The following NCAM2 variants were observed in gnomAD, a reference collection of about 807,000 sequenced individuals.
NCAM2 encodes the protein N-CAM-2.
In NCAM2, 30 loss-of-function variants were observed where a neutral mutation model predicts 98.1. That is an observed-to-expected ratio of 0.31 (90% confidence interval 0.23 to 0.41). The LOEUF (loss-of-function observed/expected upper bound fraction) is 0.41. Among genes scored for constraint, NCAM2 ranks in the 10% least tolerant of loss-of-function variants. NCAM2 has a pLI of 1.00. For synonymous variants in NCAM2, 368 were observed against 342.4 expected (o/e 1.07, Z -0.83); for missense variants, 867 against 1,005.8 (o/e 0.86, Z 1.87).
At chr21:21,073,915 T>C (rs779476135) in intron 1 of NCAM2, among the ~76,000 whole-genome samples, 10 of 152,202 alleles carry the variant, frequency 6.6e-5, no homozygotes, top group Admixed American at 5.2e-4. Context: ...GAGACTCTGA[T>C]TGAGGATTTA....
intron 1 of NCAM2, among the ~76,000 whole-genome samples, chr21:21,134,829 T>C (rs111572028): frequency 6.6e-6 from 1 of 151,394 alleles, no homozygotes; most frequent in African/African-American, 2.4e-5. Context: ...TCCTCCCACC[T>C]CAGCCTCCTC....
At chr21:21,280,538 C>A in intron 1 of NCAM2, 40 bp from the exon 2 acceptor site, 1 of 1,409,416 alleles carries the variant, frequency 7.1e-7, no homozygotes, top group Non-Finnish European at 9.9e-7. Flanking sequence ...AGAAATCACG[C>A]TTAAAAATCA....
At chr21:21,275,699 C>T (rs191080281) in intron 1 of NCAM2, among the ~76,000 whole-genome samples, 21 of 152,118 alleles carry the variant, frequency 1.4e-4, no homozygotes, top group Non-Finnish European at 2.8e-4. Flanking sequence ...ACAGATGTAA[C>T]GTACCTTGAA....
chr21:21,472,493 T>C (rs959125824), intron 14 of NCAM2, among the ~76,000 whole-genome samples: 1 of 152,076 alleles, frequency 6.6e-6, no homozygotes, highest in African/African-American at 2.4e-5. Flanking sequence ...TGAATACTTA[T>C]GGACATTAAA....
chr21:21,216,824 A>G (rs2069922383), intron 1 of NCAM2, among the ~76,000 whole-genome samples: 1 of 152,210 alleles, frequency 6.6e-6, no homozygotes. Context: ...CCTTAGGTAC[A>G]GGTGGGAAAA....
intron 1 of NCAM2, among the ~76,000 whole-genome samples, chr21:21,279,671 G>C (rs2072860146): frequency 6.6e-6 from 1 of 152,020 alleles, no homozygotes; most frequent in African/African-American, 2.4e-5. Context: ...ACAGCCTGTT[G>C]TTCTGGGAAA....
In NCAM2 at chr21:21,047,781, C is replaced by G. The variant is rs536613124; in HGVS notation, c.55+49163C>G. 2.0e-5 allele frequency among the ~76,000 whole-genome samples: 3 copies of G among 151,986 alleles called. 1 individual carries two copies. The South Asian group carries it at 6.2e-4, about 32-fold the overall frequency. On this transcript the variant is annotated intron_variant, in intron 1 of 17. Transcript: ENST00000400546. Reference sequence around the variant, plus strand: ...GTAAGAAGCTGTGTGGATTTTTGTTCTGTTTGCTTTTGAGAACTAAGCTCT... The same window carrying G: ...GTAAGAAGCTGTGTGGATTTTTGTTGTGTTTGCTTTTGAGAACTAAGCTCT...
At chr21:21,115,025 T>A (rs1245340266) in intron 1 of NCAM2, among the ~76,000 whole-genome samples, 1 of 152,084 alleles carries the variant, frequency 6.6e-6, no homozygotes, top group Non-Finnish European at 1.5e-5. Context: ...TTCACCATGT[T>A]GGCCAGGCTG....
intron 12 of NCAM2, among the ~76,000 whole-genome samples, chr21:21,455,952 A>G (rs953922217): frequency 2.6e-5 from 4 of 152,018 alleles, no homozygotes; most frequent in African/African-American, 9.7e-5. Flanking sequence ...ATTATTATGA[A>G]TTTCTTCCCA....
chr21:21,466,456 T>A, intron 12 of NCAM2, 150 bp from the exon 13 acceptor site: 1 of 547,970 alleles, frequency 1.8e-6, no homozygotes, highest in Non-Finnish European at 2.9e-6. Flanking sequence ...ATATGACTTA[T>A]CTATTTTTTA....
chr21:21,111,216 C>A (rs534742490), intron 1 of NCAM2, among the ~76,000 whole-genome samples: 5 of 152,122 alleles, frequency 3.3e-5, no homozygotes, highest in Non-Finnish European at 7.4e-5. Flanking sequence ...ATCACAGTAG[C>A]CATATTGTAA....
chr21:21,460,768 A>G (rs1397542641), intron 12 of NCAM2, among the ~76,000 whole-genome samples: 1 of 152,002 alleles, frequency 6.6e-6, no homozygotes, highest in African/African-American at 2.4e-5. Flanking sequence ...CTCACAGTAT[A>G]GTAGCCAAAT....
intron 12 of NCAM2, among the ~76,000 whole-genome samples, chr21:21,440,909 A>G (rs780836695): frequency 2.6e-5 from 4 of 152,164 alleles, no homozygotes; most frequent in Admixed American, 6.6e-5. Flanking sequence ...GTTTAAGACA[A>G]TTTTTAGGTA....
rs202018731 is a variant in NCAM2, at chr21:21,106,314, C to CAAAAAAAAAAAAAAAAAAAAA, written c.55+107711_55+107712insAAAAAAAAAAAAAAAAAAAAA. The stretch of plus-strand genomic sequence containing the variant: ...CAGAATGAGAGACATGTCTCAAAAG[C>CAAAAAAAAAAAAAAAAAAAAA]AAAAAAAAAAAAAAAGGAACAGCCA... On this transcript the variant is annotated intron_variant, in intron 1 of 17. Coordinates refer to ENST00000400546, the MANE Select transcript of NCAM2 (RefSeq NM_004540.5). Among the ~76,000 whole-genome samples, 112 of 103,420 alleles carry CAAAAAAAAAAAAAAAAAAAAA rather than the reference C, an allele frequency of 1.1e-3. 1 individual carries two copies. The highest frequency in any genetic ancestry group is 2.0e-3 in the African/African-American group (44 of 22,294). 67.8% of individuals were successfully genotyped at this position (103,420 alleles called of 152,430 possible).
chr21:21,380,433 A>G (rs1334605888), intron 9 of NCAM2, among the ~76,000 whole-genome samples: 3 of 152,204 alleles, frequency 2.0e-5, no homozygotes, highest in African/African-American at 4.8e-5. Context: ...ACTTAGTTGT[A>G]TAATAAAACA....
intron 6 of NCAM2, among the ~76,000 whole-genome samples, chr21:21,325,222 A>G (rs1442648405): frequency 6.6e-6 from 1 of 152,174 alleles, no homozygotes; most frequent in East Asian, 1.9e-4. Context: ...ACAAGTATTT[A>G]CAGAATCACT....
chr21:21,286,653 T>C (rs1413322941), intron 4 of NCAM2, among the ~76,000 whole-genome samples: 2 of 151,792 alleles, frequency 1.3e-5, no homozygotes, highest in African/African-American at 4.8e-5. Context: ...CCACATACTG[T>C]CTGTGGCAGC....
chr21:21,455,197 G>C (rs1442541460), intron 12 of NCAM2, among the ~76,000 whole-genome samples: 1 of 117,926 alleles, frequency 8.5e-6, no homozygotes, highest in East Asian at 2.1e-4. Flanking sequence ...CCTTTTAAAA[G>C]GAAACCTATT....
intron 8 of NCAM2, among the ~76,000 whole-genome samples, chr21:21,348,936 C>G (rs1231274830): frequency 6.6e-6 from 1 of 152,080 alleles, no homozygotes; most frequent in African/African-American, 2.4e-5. Flanking sequence ...AAAATCCAAT[C>G]AAAATGGATT....
Sources: gnomAD v4.1 joint callset for allele counts (sites outside exome capture counted in the v4.1 genomes callset) on GRCh38, gnomAD v4.1.1 for gene constraint, MANE v1.5 for transcripts, NCBI Gene and HGNC (gene_info 2026-07-23, HGNC 2026-07-21) for gene names.